RNF212B: variants seen among roughly 807,000 people sequenced by gnomAD.
RNF212B encodes the protein ring finger protein 212B, also known as E3 ubiquitin-protein ligase RNF212B.
Under a neutral mutation model 55.5 loss-of-function variants are expected in RNF212B, and 52 were observed. The observed-to-expected ratio is 0.94, with a 90% confidence interval of 0.75 to 1.18. The LOEUF is 1.18. Among genes scored for constraint, RNF212B ranks in the 50% most tolerant of loss-of-function variants. The probability of loss-of-function intolerance (pLI) is 0.00; values close to 1 mark genes in which losing one functional copy is unlikely to be tolerated. For missense variants in RNF212B, 289 were observed against 350.4 expected (o/e 0.82, Z 1.40); for synonymous variants, 99 against 121.4 (o/e 0.82, Z 1.21).
intron 1 of RNF212B, among the ~76,000 whole-genome samples, chr14:23,186,445 GTTCAAGTGATTC>G (rs1347808856): frequency 6.6e-6 from 1 of 151,816 alleles, no homozygotes; most frequent in Non-Finnish European, 1.5e-5. Flanking sequence ...TGGCTCCTAG[GTTCAAGTGATTC>G]TCCTGCCTCA....
intron 4 of RNF212B, among the ~76,000 whole-genome samples, chr14:23,253,658 T>G (rs1431099916): frequency 6.6e-6 from 1 of 152,214 alleles, no homozygotes; most frequent in Non-Finnish European, 1.5e-5. Flanking sequence ...CTTAATTCAT[T>G]AGAAGTTGTA....
At chr14:23,230,570 C>T (rs1420962375) in intron 2 of RNF212B, among the ~76,000 whole-genome samples, 5 of 136,156 alleles carry the variant, frequency 3.7e-5, no homozygotes, top group East Asian at 4.7e-4. Flanking sequence ...AGGAGAATGG[C>T]GTGAACCCGG....
At chr14:23,258,688 G>A in intron 5 of RNF212B, 24 bp downstream of exon 5, 1 of 868,774 alleles carries the variant, frequency 1.2e-6, no homozygotes, top group Non-Finnish European at 1.7e-6. Flanking sequence ...CAAGTCCCAA[G>A]AGAGCTTTTT....
chr14:23,243,313 G>C lies in RNF212B; in HGVS notation c.153+5G>C. The C allele has an allele frequency of 6.5e-7, 1 of 1,549,476 alleles. No individual in the cohort carries two copies. The highest frequency in any genetic ancestry group is 8.7e-7 in the Non-Finnish European group (1 of 1,146,292). On this transcript the variant is annotated splice_donor_5th_base_variant and intron_variant, in intron 3 of 14. Coordinates refer to ENST00000430154, the MANE Select transcript of RNF212B (RefSeq NM_001282322.3). ...CATCTGGCTCTTTCTGATAATGTAAGTTTTTCTCCCCCTGCCACAAACTGT... is the reference window on the plus strand; with the variant it reads ...CATCTGGCTCTTTCTGATAATGTAACTTTTTCTCCCCCTGCCACAAACTGT...
At chr14:23,266,663 A>T (rs1885728854) in intron 11 of RNF212B, among the ~76,000 whole-genome samples, 2 of 151,796 alleles carry the variant, frequency 1.3e-5, no homozygotes, top group Admixed American at 1.3e-4. Flanking sequence ...TGCCTGCCTC[A>T]TCCTCCCAAA....
Position 23,272,969 on chromosome 14 carries a change from C to G in RNF212B, c.*78C>G. The G allele has an allele frequency of 2.6e-6, 2 of 769,354 alleles. No individual in the cohort carries two copies. The highest frequency in any genetic ancestry group is 3.8e-5 in the South Asian group (2 of 53,238). 47.7% of individuals were successfully genotyped at this position (769,354 alleles called of 1,614,324 possible). ...CCAGTACGCATTAGGGGTGATGGCCCTGGAAAATGTATCCCTGCATTGTTT... is the reference window on the plus strand; with the variant it reads ...CCAGTACGCATTAGGGGTGATGGCCGTGGAAAATGTATCCCTGCATTGTTT... On this transcript the variant is annotated 3_prime_UTR_variant, in exon 15 of 15. Transcript: ENST00000430154.
At chr14:23,209,535 A>C (rs1310374846) in intron 2 of RNF212B, among the ~76,000 whole-genome samples, 1 of 152,218 alleles carries the variant, frequency 6.6e-6, no homozygotes, top group Non-Finnish European at 1.5e-5. Context: ...TACTGATATA[A>C]ACAAATGATT....
chr14:23,221,726 C>T (rs1003290037), intron 2 of RNF212B, among the ~76,000 whole-genome samples: 12 of 151,992 alleles, frequency 7.9e-5, no homozygotes, highest in African/African-American at 2.7e-4. Flanking sequence ...TAAGGATAGA[C>T]GATATGTTAG....
chr14:23,257,320 C>T (rs1264921095), intron 4 of RNF212B, among the ~76,000 whole-genome samples: 1 of 152,032 alleles, frequency 6.6e-6, no homozygotes, highest in Admixed American at 6.6e-5. Flanking sequence ...CCATGCCTGG[C>T]TTAAAGTAAA....
chr14:23,257,818 G>C (rs1884960664), intron 4 of RNF212B, among the ~76,000 whole-genome samples: 1 of 152,150 alleles, frequency 6.6e-6, no homozygotes, highest in Non-Finnish European at 1.5e-5. Flanking sequence ...TCCTATAGCA[G>C]CATAAGCAGC....
chr14:23,243,721 C>A lies in RNF212B; in HGVS notation c.153+413C>A, dbSNP rs1051935580. On this transcript the variant is annotated intron_variant, in intron 3 of 14. Coordinates refer to ENST00000430154, the MANE Select transcript of RNF212B (RefSeq NM_001282322.3). ...AAAAAAAAAAAAAAAAAAAAAAAAG[C>A]AAGCAAGCAAGCAAGCAAGCAAGCA... Among the ~76,000 whole-genome samples, 426 of 85,748 alleles carry A rather than the reference C, an allele frequency of 5.0e-3. 23 individuals carry two copies. The highest frequency in any genetic ancestry group is 8.6e-3 in the African/African-American group (173 of 20,000). 56.3% of individuals were successfully genotyped at this position (85,748 alleles called of 152,430 possible). A position where few individuals can be genotyped will look rare whatever the true frequency, so the allele number is the denominator to read the frequency against.
intron 1 of RNF212B, among the ~76,000 whole-genome samples, chr14:23,186,491 A>G (rs1440071566): frequency 6.6e-6 from 1 of 152,028 alleles, no homozygotes; most frequent in Non-Finnish European, 1.5e-5. Flanking sequence ...CTGGGATTAC[A>G]GGCACCTGCC....
At chr14:23,241,898 C>T (rs1177998939) in intron 2 of RNF212B, among the ~76,000 whole-genome samples, 8 of 150,814 alleles carry the variant, frequency 5.3e-5, no homozygotes, top group Admixed American at 3.3e-4. Flanking sequence ...CCTGCTAACA[C>T]GGTGAAACCC....
intron 2 of RNF212B, among the ~76,000 whole-genome samples, chr14:23,227,197 T>C (rs1351503527): frequency 1.3e-5 from 2 of 151,262 alleles, no homozygotes; most frequent in Non-Finnish European, 2.9e-5. Flanking sequence ...CCTATGAATC[T>C]ATAGCTATTT....
At position 23,209,205 on chromosome 14, in the gene RNF212B, G is replaced by A. The variant is rs368312380; in HGVS notation, c.-2+15804G>A. Among the ~76,000 whole-genome samples the A allele has an allele frequency of 4.0e-3, 598 of 151,020 alleles. 3 individuals are homozygous for A. The highest frequency in any genetic ancestry group is 0.014 in the African/African-American group (564 of 40,308). ...TCATGGTGCTGGTGGGAGTGTAGCA[G>A]TAAGGACGACCAGAGGTCACTCTCG... On this transcript the variant is annotated intron_variant, in intron 2 of 15. Transcript: ENST00000399910.
intron 2 of RNF212B, among the ~76,000 whole-genome samples, chr14:23,240,923 G>A (rs1299481261): frequency 6.6e-6 from 1 of 152,184 alleles, no homozygotes; most frequent in East Asian, 1.9e-4. Flanking sequence ...ACAAGCCCAG[G>A]TGGTAATTAT....
intron 9 of RNF212B, 117 bp downstream of exon 9, chr14:23,263,087 T>C (rs1885418514): frequency 2.2e-6 from 2 of 912,852 alleles, no homozygotes; most frequent in Non-Finnish European, 3.3e-6. Flanking sequence ...AGTTTAAAGC[T>C]AGGGTTTTTT....
intron 4 of RNF212B, among the ~76,000 whole-genome samples, chr14:23,251,622 C>T (rs968555956): frequency 5.3e-5 from 8 of 152,228 alleles, no homozygotes; most frequent in African/African-American, 1.9e-4. Flanking sequence ...TCGAGACCAG[C>T]CTGGCCAACA....
intron 2 of RNF212B, among the ~76,000 whole-genome samples, chr14:23,211,966 T>TTG (rs1880563869): frequency 6.6e-6 from 1 of 152,130 alleles, no homozygotes; most frequent in East Asian, 1.9e-4. Context: ...GACCTCAAGT[T>TTG]ATCTGCCCTC....
Sources: gnomAD v4.1 joint callset for allele counts (sites outside exome capture counted in the v4.1 genomes callset) on GRCh38, gnomAD v4.1.1 for gene constraint, MANE v1.5 for transcripts, NCBI Gene and HGNC (gene_info 2026-07-23, HGNC 2026-07-21) for gene names.